The following HMGN5 variants were observed in gnomAD, a reference collection of about 807,000 sequenced individuals.
HMGN5 encodes high mobility group nucleosome-binding domain-containing protein 5.
In HMGN5, 4 loss-of-function variants were observed where a neutral mutation model predicts 9.5. That is an observed-to-expected ratio of 0.42 (90% CI 0.21 to 0.96). The LOEUF (loss-of-function observed/expected upper bound fraction) is 0.96, where lower values mean the gene tolerates loss of function less well. HMGN5 is among the 40% of genes least tolerant of loss of function. The pLI is 0.30. For synonymous variants in HMGN5, 55 were observed against 57.1 expected (o/e 0.96, Z 0.16); for missense variants, 192 against 187.5 (o/e 1.02, Z -0.14).
At chrX:81,176,223 A>G (rs1252272137) in intron 1 of HMGN5, among the ~76,000 whole-genome samples, 1 of 112,248 alleles carries the variant, frequency 8.9e-6, no homozygotes, top group African/African-American at 3.2e-5. Context: ...ACAAACAGAA[A>G]GGAATAGCAT....
intron 6 of HMGN5, among the ~76,000 whole-genome samples, chrX:81,115,643 T>A (rs1226889218): frequency 1.8e-5 from 2 of 112,159 alleles, no homozygotes; most frequent in Non-Finnish European, 3.8e-5. Flanking sequence ...TGATATTTTT[T>A]ATGTAAAAAT....
intron 4 of HMGN5, 62 bp from the exon 5 acceptor site, chrX:81,118,547 T>A (rs1024823406): frequency 1.4e-4 from 131 of 955,185 alleles, no homozygotes; most frequent in Non-Finnish European, 1.9e-4. Flanking sequence ...GAAAGAACGC[T>A]AAAAATGAAA....
chrX:81,148,288 G>T (rs2075351113), intron 1 of HMGN5, among the ~76,000 whole-genome samples: 1 of 111,711 alleles, frequency 9.0e-6, no homozygotes, highest in Non-Finnish European at 1.9e-5. Flanking sequence ...CAGATATATA[G>T]ACCAATGGAA....
chrX:81,196,031 G>A (rs891059199), intron 1 of HMGN5, among the ~76,000 whole-genome samples: 8 of 110,887 alleles, frequency 7.2e-5, no homozygotes, highest in Admixed American at 4.8e-4. Context: ...TACATAGCAG[G>A]TGACTGAGAC....
At chrX:81,149,228 C>T (rs1358868600) in intron 1 of HMGN5, among the ~76,000 whole-genome samples, 1 of 111,558 alleles carries the variant, frequency 9.0e-6, no homozygotes, top group Non-Finnish European at 1.9e-5. Context: ...GGAACCAACC[C>T]AAATGTCCAC....
At chrX:81,139,732 C>T (rs2147552744) in intron 1 of HMGN5, among the ~76,000 whole-genome samples, 1 of 111,694 alleles carries the variant, frequency 9.0e-6, no homozygotes, top group East Asian at 2.8e-4. Flanking sequence ...AGTGCTATTC[C>T]GTTATAGCAG....
intron 1 of HMGN5, among the ~76,000 whole-genome samples, chrX:81,174,621 C>T (rs2075436128): frequency 9.0e-6 from 1 of 111,180 alleles, no homozygotes; most frequent in African/African-American, 3.3e-5. Context: ...AGTTACATGA[C>T]CTTGAGCAAA....
chrX:81,185,013 G>GT (rs1004826478), intron 1 of HMGN5, among the ~76,000 whole-genome samples: 6 of 111,754 alleles, frequency 5.4e-5, no homozygotes, highest in Non-Finnish European at 1.1e-4. Flanking sequence ...TTACCATGCT[G>GT]TTTTAGTTAC....
intron 1 of HMGN5, among the ~76,000 whole-genome samples, chrX:81,134,900 G>A (rs774922573): frequency 2.3e-4 from 26 of 111,391 alleles, no homozygotes; most frequent in Non-Finnish European, 3.6e-4. Flanking sequence ...AATGACACTG[G>A]AAGAGTGAAA....
intron 1 of HMGN5, among the ~76,000 whole-genome samples, chrX:81,181,196 T>TA (rs772474331): frequency 4.5e-5 from 5 of 111,603 alleles, no homozygotes; most frequent in Non-Finnish European, 7.5e-5. Flanking sequence ...TACAGTATAA[T>TA]AAAAAAACAT....
intron 1 of HMGN5, among the ~76,000 whole-genome samples, chrX:81,173,912 C>G (rs1376627150): frequency 1.8e-5 from 2 of 111,273 alleles, no homozygotes; most frequent in Admixed American, 9.6e-5. Flanking sequence ...TTATCGTTAT[C>G]TTATGTTAGA....
rs745354303 is a variant in HMGN5, at chrX:81,188,327, C to T, written c.-124+13410G>A. ...TTGTTATTGTACTGATGGGGTTTTG[C>T]TACACTGCCCAGGCTGGTCTCGAAC... On this transcript the variant is annotated intron_variant, in intron 1 of 6. Transcript: ENST00000358130. 2.8e-5 allele frequency among the ~76,000 whole-genome samples: 3 copies of T among 105,528 alleles called. No individual in the cohort carries two copies. The East Asian group carries it at 9.2e-4, about 32-fold the overall frequency. The allele number at this position is 105,528 out of a possible 115,157, so 91.6% of individuals were successfully genotyped here. A position where few individuals can be genotyped will look rare whatever the true frequency, so the allele number is the denominator to read the frequency against.
At chrX:81,130,361 T>C (rs1471438034) in intron 1 of HMGN5, among the ~76,000 whole-genome samples, 2 of 111,685 alleles carry the variant, frequency 1.8e-5, no homozygotes, top group East Asian at 5.6e-4. Context: ...AGTACTTTGT[T>C]AGGCTTCATA....
intron 1 of HMGN5, among the ~76,000 whole-genome samples, chrX:81,165,866 C>T (rs2075409734): frequency 9.0e-6 from 1 of 111,546 alleles, no homozygotes; most frequent in East Asian, 2.8e-4. Flanking sequence ...GCTCTAAATG[C>T]TAATGTAATA....
At chrX:81,136,778 A>T (rs1321759960) in intron 1 of HMGN5, among the ~76,000 whole-genome samples, 6 of 111,584 alleles carry the variant, frequency 5.4e-5, no homozygotes, top group African/African-American at 2.0e-4. Flanking sequence ...ACAAACAAAC[A>T]TTACCCAATG....
At chrX:81,148,785 GA>G (rs1225281826) in intron 1 of HMGN5, among the ~76,000 whole-genome samples, 11 of 107,845 alleles carry the variant, frequency 1.0e-4, no homozygotes, top group African/African-American at 1.7e-4. Context: ...AAATTTACAA[GA>G]AAAAAAAACA....
At chrX:81,147,104 T>C (rs887060898) in intron 1 of HMGN5, among the ~76,000 whole-genome samples, 23 of 111,773 alleles carry the variant, frequency 2.1e-4, no homozygotes, top group Middle Eastern at 4.7e-3. Context: ...TCTGAAACTA[T>C]TCCAAACAAT....
intron 1 of HMGN5, among the ~76,000 whole-genome samples, chrX:81,152,296 A>C: frequency 8.9e-6 from 1 of 112,217 alleles, no homozygotes; most frequent in South Asian, 3.7e-4. Flanking sequence ...ACAAATTTAC[A>C]AGAAAAAAAC....
At chrX:81,179,377 C>T (rs1417972775) in intron 1 of HMGN5, among the ~76,000 whole-genome samples, 1 of 111,428 alleles carries the variant, frequency 9.0e-6, no homozygotes, top group Non-Finnish European at 1.9e-5. Context: ...AATCAAAGTG[C>T]AAAAATCACA....
Sources: gnomAD v4.1 joint callset for allele counts (sites outside exome capture counted in the v4.1 genomes callset) on GRCh38, gnomAD v4.1.1 for gene constraint, MANE v1.5 for transcripts, NCBI Gene and HGNC (gene_info 2026-07-23, HGNC 2026-07-21) for gene names.